TG: variants seen among roughly 807,000 people sequenced by gnomAD.
TG encodes thyroid hormones.
TG carries 270 observed loss-of-function variants against 324.7 expected under a neutral mutation model. The observed-to-expected ratio is 0.83, with a 90% CI of 0.75 to 0.92. TG has a LOEUF of 0.92. Among genes scored for constraint, TG ranks in the 40% least tolerant of loss-of-function variants. The pLI, the probability that TG is intolerant of heterozygous loss-of-function variation, is 0.00. For synonymous variants in TG, 1,401 were observed against 1,327.0 expected (o/e 1.06, Z -1.21); for missense variants, 3,591 against 3,456.4 (o/e 1.04, Z -0.98).
At chr8:133,091,520 T>C (rs965200901) in intron 41 of TG, among the ~76,000 whole-genome samples, 3 of 152,108 alleles carry the variant, frequency 2.0e-5, no homozygotes, top group Non-Finnish European at 4.4e-5. Context: ...CCTGAGGGAT[T>C]CCTCCCGGGA....
intron 41 of TG, chr8:133,050,946 C>A (rs762606016): frequency 1.5e-6 from 2 of 1,348,606 alleles, no homozygotes; most frequent in Admixed American, 1.7e-5. Context: ...GGGAAGGGGG[C>A]AAGGTGCTTT....
intron 46 of TG, 31 bp from the exon 47 acceptor site, chr8:133,133,439 C>A: frequency 6.2e-7 from 1 of 1,603,988 alleles, no homozygotes; most frequent in African/African-American, 1.3e-5. Context: ...AAATTTCCCT[C>A]ATGGATATTT....
intron 41 of TG, among the ~76,000 whole-genome samples, chr8:133,034,107 G>A (rs1836873816): frequency 6.6e-6 from 1 of 152,170 alleles, no homozygotes; most frequent in Non-Finnish European, 1.5e-5. Context: ...ATATTCATGA[G>A]TTTTGATGCT....
chr8:132,880,249 C>T (rs1814466951), intron 5 of TG, among the ~76,000 whole-genome samples: 1 of 152,208 alleles, frequency 6.6e-6, no homozygotes, highest in Admixed American at 6.5e-5. Context: ...CCATATACCT[C>T]ACCTTCTTAA....
chr8:132,876,581 A>G (rs1426563236), intron 5 of TG, among the ~76,000 whole-genome samples: 2 of 152,172 alleles, frequency 1.3e-5, no homozygotes, highest in African/African-American at 4.8e-5. Context: ...TGAATTTGGC[A>G]ATGATGTTTG....
At chr8:133,040,237 G>A (rs1424925707) in intron 41 of TG, 1 of 1,258,716 alleles carries the variant, frequency 7.9e-7, no homozygotes. Context: ...TGCTGCCATG[G>A]GGAACTGGGC....
chr8:133,127,308 T>A (rs910697000), intron 45 of TG, among the ~76,000 whole-genome samples: 2 of 152,172 alleles, frequency 1.3e-5, no homozygotes, highest in Non-Finnish European at 2.9e-5. Flanking sequence ...AGCTGAGAAC[T>A]TGTGCAATGG....
At chr8:133,050,494 G>T in intron 41 of TG, 1 of 267,220 alleles carries the variant, frequency 3.7e-6, no homozygotes, top group South Asian at 7.0e-5. Context: ...CTGCCTTCCC[G>T]GTCTTCATTC....
At chr8:132,870,079 G>A (rs979980131) in intron 3 of TG, among the ~76,000 whole-genome samples, 1 of 152,110 alleles carries the variant, frequency 6.6e-6, no homozygotes, top group African/African-American at 2.4e-5. Flanking sequence ...AGAAGACAAT[G>A]GTGAACAGAC....
At chr8:132,972,565 TG>T in intron 33 of TG, 32 bp from the exon 34 acceptor site, 1 of 1,566,670 alleles carries the variant, frequency 6.4e-7, no homozygotes, top group Non-Finnish European at 8.7e-7. Context: ...GTTTCCTGAT[TG>T]TGGTTTTTTG....
intron 27 of TG, among the ~76,000 whole-genome samples, 195 bp from the exon 28 acceptor site, chr8:132,960,813 G>A (rs1827637400): frequency 6.6e-6 from 1 of 152,146 alleles, no homozygotes; most frequent in South Asian, 2.1e-4. Context: ...TGACACCCAT[G>A]TCTGACCAGC....
At chr8:133,069,329 G>A (rs1392152635) in intron 41 of TG, among the ~76,000 whole-genome samples, 2 of 152,210 alleles carry the variant, frequency 1.3e-5, no homozygotes, top group African/African-American at 4.8e-5. Flanking sequence ...ACCTGACACA[G>A]CATTTGCCAG....
intron 11 of TG, 35 bp downstream of exon 11, chr8:132,893,964 C>T (rs369778468): frequency 4.3e-6 from 7 of 1,613,800 alleles, no homozygotes; most frequent in African/African-American, 4.0e-5. Flanking sequence ...CTTACTGCAT[C>T]GCTTTGGAAA....
intron 43 of TG, among the ~76,000 whole-genome samples, chr8:133,105,957 A>C (rs1014971542): frequency 2.6e-5 from 4 of 152,116 alleles, no homozygotes; most frequent in Non-Finnish European, 5.9e-5. Context: ...AGGCTATAGG[A>C]CAGTTGGAGC....
intron 41 of TG, chr8:133,063,473 G>C (rs1207503446): frequency 8.6e-5 from 13 of 151,524 alleles, no homozygotes; most frequent in Admixed American, 7.2e-4. Context: ...GCATTTGCAT[G>C]CTATTTTGGA....
intron 40 of TG, among the ~76,000 whole-genome samples, chr8:133,028,933 G>A (rs1328080161): frequency 6.6e-6 from 1 of 152,152 alleles, no homozygotes; most frequent in Non-Finnish European, 1.5e-5. Context: ...TCTGGAGCTC[G>A]GGGAGTGGGC....
At chr8:132,980,886 G>A (rs1423604249) in intron 34 of TG, among the ~76,000 whole-genome samples, 1 of 152,112 alleles carries the variant, frequency 6.6e-6, no homozygotes, top group African/African-American at 2.4e-5. Flanking sequence ...AGCACTGCAT[G>A]CGGTAAGAGT....
At chr8:133,093,776 C>T (rs1440666434) in intron 41 of TG, among the ~76,000 whole-genome samples, 3 of 152,178 alleles carry the variant, frequency 2.0e-5, no homozygotes, top group African/African-American at 7.2e-5. Flanking sequence ...TATGAAAGGC[C>T]ACTTCACAGT....
intron 41 of TG, among the ~76,000 whole-genome samples, chr8:133,042,901 T>C: frequency 6.6e-6 from 1 of 151,616 alleles, no homozygotes; most frequent in African/African-American, 2.4e-5. Flanking sequence ...ACCATGTTGG[T>C]CAGACTAGCC....
Sources: allele counts gnomAD v4.1 joint callset (sites outside exome capture counted in the v4.1 genomes callset), GRCh38; gene constraint gnomAD v4.1.1; transcripts MANE v1.5; gene names NCBI Gene and HGNC (gene_info 2026-07-23, HGNC 2026-07-21).